Variants in TMEM182 observed in about 807,000 individuals in gnomAD.
The protein encoded by TMEM182 is transmembrane protein 182.
A neutral mutation model predicts 26.8 loss-of-function variants in TMEM182; 20 were observed. The observed-to-expected ratio is 0.75, with a 90% CI of 0.53 to 1.09. The LOEUF is 1.09. TMEM182 is among the 50% of genes least tolerant of loss of function. The pLI is 0.00. For synonymous variants in TMEM182, 109 were observed against 102.2 expected (o/e 1.07, Z -0.40); for missense variants, 277 against 275.5 (o/e 1.01, Z -0.04).
intron 1 of TMEM182, among the ~76,000 whole-genome samples, chr2:102,750,973 A>T (rs1679859435): frequency 6.6e-6 from 1 of 152,134 alleles, no homozygotes; most frequent in South Asian, 2.1e-4. Context: ...GGTTGCATAT[A>T]GCCGCCTTCT....
At chr2:102,799,410 C>G (rs942850596) in intron 4 of TMEM182, among the ~76,000 whole-genome samples, 1 of 152,108 alleles carries the variant, frequency 6.6e-6, no homozygotes, top group African/African-American at 2.4e-5. Context: ...ACAGAAGGTT[C>G]CCTGAAAAAT....
chr2:102,788,041 T>A (rs1681472422), intron 3 of TMEM182, among the ~76,000 whole-genome samples: 1 of 152,208 alleles, frequency 6.6e-6, no homozygotes, highest in Non-Finnish European at 1.5e-5. Flanking sequence ...CTTTATTTTT[T>A]AAAATTTATT....
chr2:102,797,665 C>G, intron 3 of TMEM182, 198 bp from the exon 4 acceptor site: 1 of 560,384 alleles, frequency 1.8e-6, no homozygotes, highest in Non-Finnish European at 3.0e-6. Flanking sequence ...TTGAAGGTCA[C>G]CAGCTTGGAC....
chr2:102,797,938 G>C lies in TMEM182; in HGVS notation c.407G>C (p.Cys136Ser). 6.2e-7 allele frequency: 1 copy of C among 1,614,074 alleles called. No individual in the cohort carries two copies. The highest frequency in any genetic ancestry group is 8.5e-7 in the Non-Finnish European group (1 of 1,180,022). ...GTCATCGCAAGCTTTTTGATCATCT[G>C]TGCAGCCCCCTTCGCCAGCCATTTT... Reference protein sequence around the residue: ...AVVIASFLIICAAPFASHFLY... With the variant: ...AVVIASFLIISAAPFASHFLY... The change falls in exon 4 of 5, where the codon TGT becomes TCT. Residue 136 changes from cysteine (C) to serine (S), a missense_variant. Coordinates refer to ENST00000412401, the MANE Select transcript of TMEM182 (RefSeq NM_144632.5).
At chr2:102,818,576 A>T (rs1314335350), downstream of TMEM182, among the ~76,000 whole-genome samples, 1 of 152,192 alleles carries the variant, frequency 6.6e-6, no homozygotes, top group Non-Finnish European at 1.5e-5. Context: ...TGGAACGACA[A>T]TGGAGATGCC....
At chr2:102,760,139 G>C (rs2104651962), upstream of TMEM182, among the ~76,000 whole-genome samples, 1 of 152,264 alleles carries the variant, frequency 6.6e-6, no homozygotes. Flanking sequence ...AAAATTGTAG[G>C]AAAAAACCAG....
At chr2:102,789,725 G>A (rs1411562312) in intron 3 of TMEM182, among the ~76,000 whole-genome samples, 2 of 152,158 alleles carry the variant, frequency 1.3e-5, no homozygotes, top group African/African-American at 2.4e-5. Context: ...TTGGATTGGT[G>A]TCTCTGATTA....
intron 4 of TMEM182, among the ~76,000 whole-genome samples, chr2:102,810,090 A>G (rs948402743): frequency 6.6e-6 from 1 of 152,210 alleles, no homozygotes; most frequent in African/African-American, 2.4e-5. Flanking sequence ...GTGAAAGATC[A>G]AGTCTGTCAT....
chr2:102,810,913 ATTGT>A (rs1399678210), intron 4 of TMEM182, among the ~76,000 whole-genome samples: 1 of 152,056 alleles, frequency 6.6e-6, no homozygotes, highest in Non-Finnish European at 1.5e-5. Context: ...CAAGCCAGTT[ATTGT>A]TTATGTTTTT....
At position 102,816,778 on chromosome 2, in the gene TMEM182, A is replaced by C; in HGVS notation, c.*1810A>C. Reference sequence around the variant, plus strand: ...TTCCAGACGATGTTGGATGTATCTGATTAGTTCATGTCATCTGTAAATACA... The same window carrying C: ...TTCCAGACGATGTTGGATGTATCTGCTTAGTTCATGTCATCTGTAAATACA... On this transcript the variant is annotated 3_prime_UTR_variant, in exon 5 of 5. Transcript: ENST00000412401. The C allele has an allele frequency of 1.0e-6, 1 of 985,766 alleles. No homozygotes were observed. 61.1% of individuals were successfully genotyped at this position (985,766 alleles called of 1,614,324 possible).
downstream of TMEM182, chr2:102,817,737 G>T (rs1682804440): frequency 1.0e-6 from 1 of 980,870 alleles, no homozygotes. Context: ...ATATATGGGT[G>T]CATGTCTGTG....
In TMEM182 at chr2:102,816,510, C is replaced by CAAT. The variant is rs58667727; in HGVS notation, c.*1578_*1580dup. 0.18 allele frequency: 168,466 copies of CAAT among 917,734 alleles called. 6,257 individuals carry two copies. The highest frequency in any genetic ancestry group is 0.31 in the African/African-American group (16,443 of 52,618). The allele number at this position is 917,734 out of a possible 1,614,324, so 56.8% of individuals were successfully genotyped here. ...AGGGCATTTTCATGACAGGACTTGC[C>CAAT]AATAATAATAATAATAATAATAATA... On this transcript the variant is annotated 3_prime_UTR_variant, in exon 5 of 5. Transcript: ENST00000412401.
intron 3 of TMEM182, among the ~76,000 whole-genome samples, chr2:102,838,456 A>G (rs1487735135): frequency 6.6e-6 from 1 of 152,182 alleles, no homozygotes; most frequent in East Asian, 1.9e-4. Context: ...AAGGGCTGAA[A>G]ATTCAGCTGC....
intron 3 of TMEM182, among the ~76,000 whole-genome samples, chr2:102,765,445 C>T (rs1172546353): frequency 2.0e-5 from 3 of 152,122 alleles, no homozygotes; most frequent in Admixed American, 6.6e-5. Flanking sequence ...GTAATCTGCT[C>T]TACTCAAAGT....
chr2:102,794,230 C>A (rs943935095), intron 3 of TMEM182, among the ~76,000 whole-genome samples: 1 of 152,140 alleles, frequency 6.6e-6, no homozygotes, highest in Non-Finnish European at 1.5e-5. Flanking sequence ...GTAACTGGTC[C>A]AAAGTTACCT....
chr2:102,824,840 C>CA (rs368318694), intron 3 of TMEM182, among the ~76,000 whole-genome samples: 170 of 151,686 alleles, frequency 1.1e-3, no homozygotes, highest in East Asian at 0.011. Context: ...CAAAACAAAA[C>CA]AAAAAAAAGA....
chr2:102,772,167 A>G (rs926483687), intron 3 of TMEM182, among the ~76,000 whole-genome samples: 1 of 152,142 alleles, frequency 6.6e-6, no homozygotes, highest in Non-Finnish European at 1.5e-5. Context: ...GGCCTCTCTT[A>G]TCTTGAAGCA....
intron 1 of TMEM182, among the ~76,000 whole-genome samples, chr2:102,746,034 ACACCAATTTACACTCT>A: frequency 6.6e-6 from 1 of 152,332 alleles, no homozygotes; most frequent in Non-Finnish European, 1.5e-5. Flanking sequence ...CATAGTGACT[ACACCAATTTACACTCT>A]CACCAGCAGT....
intron 3 of TMEM182, among the ~76,000 whole-genome samples, chr2:102,830,775 A>G (rs1312918092): frequency 6.6e-6 from 1 of 152,164 alleles, no homozygotes; most frequent in Non-Finnish European, 1.5e-5. Flanking sequence ...GTGCTATCAT[A>G]TAGTAGGTCT....
Sources: gnomAD v4.1 joint callset for allele counts (sites outside exome capture counted in the v4.1 genomes callset) on GRCh38, gnomAD v4.1.1 for gene constraint, MANE v1.5 for transcripts, NCBI Gene and HGNC (gene_info 2026-07-23, HGNC 2026-07-21) for gene names.